RIN3: variants seen among roughly 807,000 people sequenced by gnomAD.
The protein encoded by RIN3 is RAB5 interacting protein 3.
RIN3 carries 54 observed loss-of-function variants against 76.3 expected under a neutral mutation model. That is an observed-to-expected ratio of 0.71 (90% CI 0.57 to 0.89). The LOEUF is 0.89. RIN3 is among the 40% of genes least tolerant of loss of function. The probability of loss-of-function intolerance (pLI) is 0.00; values close to 1 mark genes in which losing one functional copy is unlikely to be tolerated. For missense variants in RIN3, 1,256 were observed against 1,322.1 expected, an observed-to-expected ratio of 0.95 and a Z score of 0.78; for synonymous variants, 576 against 564.0, an observed-to-expected ratio of 1.02 and a Z score of -0.30.
intron 3 of RIN3, among the ~76,000 whole-genome samples, chr14:92,605,812 T>A (rs1490945523): frequency 6.6e-6 from 1 of 152,166 alleles, no homozygotes; most frequent in Non-Finnish European, 1.5e-5. Flanking sequence ...GACTTTGGCC[T>A]AGATAAGGAT....
In RIN3 at chr14:92,648,316, C is replaced by T. The variant is rs1266857129; in HGVS notation, c.533-3266C>T. Among the ~76,000 whole-genome samples, 2 of 152,192 alleles carry T rather than the reference C, an allele frequency of 1.3e-5. No homozygotes were observed. Among genetic ancestry groups the T allele is most frequent in the Non-Finnish European group, 2.9e-5 (2 of 68,040 alleles). On this transcript the variant is annotated intron_variant, in intron 5 of 9. Coordinates refer to ENST00000216487, the MANE Select transcript of RIN3 (RefSeq NM_024832.5). The surrounding 1 kb of genome is among the most constrained non-coding windows in gnomAD (Gnocchi z 4.1). The stretch of plus-strand genomic sequence containing the variant: ...GGTACCCAGGCCGAGAGCCTATTTG[C>T]CTGAACCCGTGTCTGCTCTGTTCCT...
At chr14:92,665,660 C>CA (rs1888068730) in intron 7 of RIN3, among the ~76,000 whole-genome samples, 1 of 152,058 alleles carries the variant, frequency 6.6e-6, no homozygotes, top group South Asian at 2.1e-4. Flanking sequence ...GGATTACAAG[C>CA]GTGAGCCACC....
chr14:92,529,438 C>A (rs367669843), intron 1 of RIN3, among the ~76,000 whole-genome samples: 1 of 151,880 alleles, frequency 6.6e-6, no homozygotes. Flanking sequence ...TTAGTAGAGA[C>A]GGGGTTTCAC....
chr14:92,610,136 T>C (rs1382367350), intron 3 of RIN3, among the ~76,000 whole-genome samples: 1 of 152,148 alleles, frequency 6.6e-6, no homozygotes, highest in Non-Finnish European at 1.5e-5. Context: ...TCACAGTCAG[T>C]TAAGAACATT....
At chr14:92,629,521 CAA>C (rs1450570815) in intron 4 of RIN3, among the ~76,000 whole-genome samples, 1 of 152,204 alleles carries the variant, frequency 6.6e-6, no homozygotes, top group Non-Finnish European at 1.5e-5. Context: ...AGTAAAGATA[CAA>C]AGTCATTTAC....
At chr14:92,571,091 C>T (rs543770344) in intron 2 of RIN3, among the ~76,000 whole-genome samples, 3 of 152,200 alleles carry the variant, frequency 2.0e-5, no homozygotes, top group Admixed American at 6.5e-5. Context: ...ACTGGTCCAA[C>T]GGTGTTCAAA....
In RIN3 at chr14:92,688,154, C is replaced by A; in HGVS notation, c.2860C>A (p.Arg954Ser). ...KGYLLRSEPK[R>S]DFHFVYRPLD... ...CTACCTGCTGCGCAGCGAGCCCAAG[C>A]GCGACTTCCACTTTGTCTACCGGCC... Residue 954 changes from arginine (R) to serine (S), a missense_variant, in exon 10 of 10, where the codon CGC (arginine) becomes AGC (serine). By Grantham distance (110) the Arg-to-Ser change is moderately radical. Coordinates refer to ENST00000216487, the MANE Select transcript of RIN3 (RefSeq NM_024832.5). The A allele has an allele frequency of 6.2e-7, 1 of 1,610,202 alleles. No homozygotes were observed. Among genetic ancestry groups the A allele is most frequent in the Non-Finnish European group, 8.5e-7 (1 of 1,178,862 alleles).
At chr14:92,616,692 T>G (rs1050362202) in intron 4 of RIN3, among the ~76,000 whole-genome samples, 4 of 152,258 alleles carry the variant, frequency 2.6e-5, no homozygotes, top group African/African-American at 9.6e-5. Context: ...GGATAGCTTC[T>G]TGATGGGCAG....
intron 1 of RIN3, among the ~76,000 whole-genome samples, chr14:92,527,620 C>G (rs917688756): frequency 1.3e-5 from 2 of 152,114 alleles, no homozygotes; most frequent in Non-Finnish European, 2.9e-5. Flanking sequence ...GCAGTCAAGA[C>G]AGAAAATTCC....
In RIN3 at chr14:92,688,008, TGTGCGCGCA is replaced by T. The variant is rs779597731; in HGVS notation, c.2722_2730del (p.Gln908_Ala910del). On this transcript the variant is annotated inframe_deletion, in exon 10 of 10. Coordinates refer to ENST00000216487, the MANE Select transcript of RIN3 (RefSeq NM_024832.5). ...CGGGCGGACACCCAGGCCCAGGCGC[TGTGCGCGCA>T]GTGCGCGGAGAAGTTCGCGGTGGAG... The T allele has an allele frequency of 2.5e-6, 4 of 1,577,426 alleles. No individual in the cohort carries two copies. The highest frequency in any genetic ancestry group is 2.7e-5 in the African/African-American group (2 of 74,040).
chr14:92,647,369 C>G (rs1887238389), intron 5 of RIN3, among the ~76,000 whole-genome samples: 1 of 152,182 alleles, frequency 6.6e-6, no homozygotes, highest in African/African-American at 2.4e-5. Context: ...GCAATTCAGC[C>G]CTCAACTATA....
chr14:92,525,366 G>A (rs1896702738), intron 1 of RIN3, among the ~76,000 whole-genome samples: 1 of 152,140 alleles, frequency 6.6e-6, no homozygotes, highest in Admixed American at 6.5e-5. Flanking sequence ...GTGGGGGGAT[G>A]GTATTGCCAG....
At chr14:92,515,556 T>C (rs968564661) in intron 1 of RIN3, 40 of 413,362 alleles carry the variant, frequency 9.7e-5, no homozygotes, top group Non-Finnish European at 1.5e-4. Flanking sequence ...CAGAGTTGAA[T>C]ACATTAGACT....
intron 3 of RIN3, among the ~76,000 whole-genome samples, chr14:92,579,018 C>A (rs1193158496): frequency 6.6e-6 from 1 of 152,108 alleles, no homozygotes; most frequent in East Asian, 1.9e-4. Flanking sequence ...ACCTCCGCCT[C>A]CCGGGTTCAA....
chr14:92,616,355 A>G (rs1459947795), intron 4 of RIN3, among the ~76,000 whole-genome samples: 2 of 152,224 alleles, frequency 1.3e-5, no homozygotes, highest in Non-Finnish European at 2.9e-5. Flanking sequence ...AATACCCTCT[A>G]GAGGAGTCCA....
At chr14:92,597,074 C>G (rs1320106979) in intron 3 of RIN3, among the ~76,000 whole-genome samples, 1 of 152,142 alleles carries the variant, frequency 6.6e-6, no homozygotes, top group East Asian at 1.9e-4. Flanking sequence ...GATGGTAATA[C>G]CCATCTCACA....
intron 4 of RIN3, among the ~76,000 whole-genome samples, chr14:92,629,509 G>A (rs1886485203): frequency 6.6e-6 from 1 of 152,222 alleles, no homozygotes; most frequent in Admixed American, 6.5e-5. Context: ...TGAAGAGTAT[G>A]AAGTAAAGAT....
Position 92,555,984 on chromosome 14 carries a change from G to GCA in RIN3, c.249+37_249+38dup, listed in dbSNP as rs1417426120. On this transcript the variant is annotated intron_variant, in intron 2 of 9. Transcript: ENST00000216487. ...AGTGGGGGCGTCTCCCACTTGGTAGGCACACACACCTGTGAGGAACTCAGG... is the reference window on the plus strand; with the variant it reads ...AGTGGGGGCGTCTCCCACTTGGTAGGCACACACACACCTGTGAGGAACTCAGG... The GCA allele has an allele frequency of 1.9e-6, 3 of 1,592,320 alleles. No homozygotes were observed. In the Admixed American group the frequency reaches 5.0e-5, roughly 27 times the overall value.
intron 9 of RIN3, 146 bp from the exon 10 acceptor site, chr14:92,687,780 C>G (rs549326637): frequency 1.4e-6 from 1 of 697,936 alleles, no homozygotes; most frequent in East Asian, 3.3e-5. Flanking sequence ...AGGCTCGCGG[C>G]AGAGACGGGA....
Sources: allele counts gnomAD v4.1 joint callset (sites outside exome capture counted in the v4.1 genomes callset), GRCh38; gene constraint gnomAD v4.1.1; non-coding constraint Gnocchi (gnomAD v3.1); transcripts MANE v1.5; gene names NCBI Gene and HGNC (gene_info 2026-07-23, HGNC 2026-07-21).